The following VAV3 variants were observed in gnomAD, a reference collection of about 807,000 sequenced individuals.
VAV3 encodes guanine nucleotide exchange factor VAV3.
Under a neutral mutation model 131.2 loss-of-function variants are expected in VAV3, and 94 were observed. That is an observed-to-expected ratio of 0.72 (90% CI 0.61 to 0.85). The LOEUF is 0.85. Ranked by LOEUF, VAV3 falls within the 40% of genes least tolerant of loss-of-function variation. The pLI is 0.00. For missense variants in VAV3, 939 were observed against 1,002.7 expected, an observed-to-expected ratio of 0.94 and a Z score of 0.86; for synonymous variants, 349 against 342.0, an observed-to-expected ratio of 1.02 and a Z score of -0.22.
intron 2 of VAV3, among the ~76,000 whole-genome samples, chr1:107,809,144 T>C (rs1667200541): frequency 2.0e-5 from 3 of 152,338 alleles, no homozygotes; most frequent in Admixed American, 6.5e-5. Context: ...GAGATTTTTA[T>C]GTTATTCTTG....
At position 107,671,757 on chromosome 1, in the gene VAV3, C is replaced by G. The variant is rs527509872; in HGVS notation, c.1777+11731G>C. ...TCTGAAAATCCTTGGGGAAGTTAGGCTTAGTTTGTCATATTTTACCAAAAA... is the reference window on the plus strand; with the variant it reads ...TCTGAAAATCCTTGGGGAAGTTAGGGTTAGTTTGTCATATTTTACCAAAAA... On this transcript the variant is annotated intron_variant, in intron 19 of 26. Coordinates refer to ENST00000370056, the MANE Select transcript of VAV3 (RefSeq NM_006113.5). Among the ~76,000 whole-genome samples, 5 of 140,928 alleles carry G rather than the reference C, an allele frequency of 3.5e-5. No homozygotes were observed. In the East Asian group the frequency reaches 9.9e-4, roughly 28 times the overall value. The allele number at this position is 140,928 out of a possible 152,430, so 92.5% of individuals were successfully genotyped here. A position where few individuals can be genotyped will look rare whatever the true frequency, so the allele number is the denominator to read the frequency against.
rs1442663962 is a variant in VAV3, at chr1:107,666,560, G to A, written c.1777+16928C>T. 2.0e-5 allele frequency among the ~76,000 whole-genome samples: 3 copies of A among 148,216 alleles called. No homozygotes were observed. The Admixed American group carries it at 2.0e-4, about 10-fold the overall frequency. On this transcript the variant is annotated intron_variant, in intron 19 of 26. Coordinates refer to ENST00000370056, the MANE Select transcript of VAV3 (RefSeq NM_006113.5). ...ACTCCCTTTCATACTTCTATGGCAA[G>A]ATCATTTGAGACTTTTTTTTTTTTT... is the stretch of plus-strand genomic sequence containing the variant.
At chr1:107,706,039 T>G (rs764380302) in intron 15 of VAV3, among the ~76,000 whole-genome samples, 4 of 152,172 alleles carry the variant, frequency 2.6e-5, no homozygotes, top group African/African-American at 4.8e-5. Flanking sequence ...GCAAAAGTAA[T>G]TGAGGTTTTT....
At chr1:107,908,983 A>G (rs1243912122) in intron 1 of VAV3, among the ~76,000 whole-genome samples, 1 of 152,160 alleles carries the variant, frequency 6.6e-6, no homozygotes, top group Non-Finnish European at 1.5e-5. Context: ...CATATTAATT[A>G]TTCCATTAAA....
In VAV3 at chr1:107,928,160, A is replaced by T. The variant is rs567756975; in HGVS notation, c.204+36506T>A. Reference sequence around the variant, plus strand: ...ATGCTTCCAGATCTTATCAAAGACCATCAAGGCGGTGCCTCTACAACTCTA... The same window carrying T: ...ATGCTTCCAGATCTTATCAAAGACCTTCAAGGCGGTGCCTCTACAACTCTA... On this transcript the variant is annotated intron_variant, in intron 1 of 26. Coordinates refer to ENST00000370056, the MANE Select transcript of VAV3 (RefSeq NM_006113.5). 3.3e-5 allele frequency among the ~76,000 whole-genome samples: 5 copies of T among 152,346 alleles called. No individual in the cohort carries two copies. The South Asian group carries it at 1.0e-3, about 32-fold the overall frequency.
intron 2 of VAV3, among the ~76,000 whole-genome samples, chr1:107,860,092 T>C (rs1355948028): frequency 6.6e-6 from 1 of 152,166 alleles, no homozygotes; most frequent in Middle Eastern, 3.2e-3. Flanking sequence ...GTATTTATAA[T>C]AGATAGTAGA....
intron 11 of VAV3, among the ~76,000 whole-genome samples, chr1:107,756,782 C>T (rs1013657982): frequency 6.6e-6 from 1 of 152,020 alleles, no homozygotes; most frequent in African/African-American, 2.4e-5. Context: ...ATAGCATCCA[C>T]AAGGGTAAAC....
At chr1:107,749,429 G>A in intron 14 of VAV3, 33 bp downstream of exon 14, 2 of 1,569,424 alleles carry the variant, frequency 1.3e-6, no homozygotes, top group South Asian at 2.4e-5. Flanking sequence ...AAGATTATAA[G>A]TAAATTACAG....
At chr1:107,672,020 C>CA (rs1657838974) in intron 19 of VAV3, 1 of 152,098 alleles carries the variant, frequency 6.6e-6, no homozygotes, top group Non-Finnish European at 1.5e-5. Context: ...GTAATCCCAG[C>CA]ACGCCGCAAG....
intron 21 of VAV3, among the ~76,000 whole-genome samples, chr1:107,614,986 A>G (rs1274698357): frequency 6.6e-6 from 1 of 152,182 alleles, no homozygotes; most frequent in Non-Finnish European, 1.5e-5. Context: ...TACAGATAGG[A>G]AGCCTGAATC....
Position 107,774,063 on chromosome 1 carries a change from T to A in VAV3, c.447-1220A>T, listed in dbSNP as rs549818081. Among the ~76,000 whole-genome samples the A allele has an allele frequency of 2.6e-5, 4 of 152,094 alleles. No individual in the cohort carries two copies. In the South Asian group the frequency reaches 6.2e-4, roughly 24 times the overall value. On this transcript the variant is annotated intron_variant, in intron 4 of 26. Coordinates refer to ENST00000370056, the MANE Select transcript of VAV3 (RefSeq NM_006113.5). ...TAAATTAGCACAGACTTTTCTCTAT[T>A]TTTGCTGTTGTTGTTGTTTGGGGGA...
chr1:107,753,549 T>TACACAC (rs1553201322), intron 12 of VAV3, among the ~76,000 whole-genome samples: 1,392 of 82,042 alleles, frequency 0.017, 63 homozygotes, highest in African/African-American at 0.061. Context: ...TATATATATA[T>TACACAC]ACACACACAC....
intron 12 of VAV3, among the ~76,000 whole-genome samples, chr1:107,753,645 C>T (rs1190224426): frequency 2.7e-5 from 4 of 150,528 alleles, no homozygotes; most frequent in Non-Finnish European, 4.4e-5. Flanking sequence ...CTGCAGCCTC[C>T]GCCTCCTGGG....
intron 17 of VAV3, among the ~76,000 whole-genome samples, chr1:107,700,826 T>C (rs1215794926): frequency 6.6e-6 from 1 of 152,220 alleles, no homozygotes; most frequent in East Asian, 1.9e-4. Context: ...AGTAATGGGA[T>C]TGCTGAGTCA....
chr1:107,772,416 G>C lies in VAV3; in HGVS notation c.555+319C>G, dbSNP rs1271020471. On this transcript the variant is annotated intron_variant, in intron 5 of 26. Coordinates refer to ENST00000370056, the MANE Select transcript of VAV3 (RefSeq NM_006113.5). ...TGTTGTAAGAAATTTACTTTTATAA[G>C]AGTATAATTTCATGATTCCCTAAAA... Among the ~76,000 whole-genome samples the C allele has an allele frequency of 2.6e-5, 4 of 152,170 alleles. No homozygotes were observed. In the East Asian group the frequency reaches 5.8e-4, roughly 22 times the overall value.
intron 2 of VAV3, among the ~76,000 whole-genome samples, chr1:107,824,081 G>A (rs150408296): frequency 3.9e-5 from 6 of 152,302 alleles, no homozygotes; most frequent in African/African-American, 7.2e-5. Flanking sequence ...GCAGGGAGAC[G>A]TGAACTGAGT....
At chr1:107,842,788 C>T (rs1467917951) in intron 2 of VAV3, among the ~76,000 whole-genome samples, 1 of 152,008 alleles carries the variant, frequency 6.6e-6, no homozygotes, top group African/African-American at 2.4e-5. Flanking sequence ...CAGACTTAGG[C>T]AGATATCGTT....
At chr1:107,579,919 C>T (rs908151643) in intron 25 of VAV3, among the ~76,000 whole-genome samples, 6 of 152,178 alleles carry the variant, frequency 3.9e-5, no homozygotes, top group Admixed American at 6.5e-5. Flanking sequence ...GCTCCTTCCC[C>T]GACCTCTGCT....
chr1:107,588,861 T>A (rs1460289675), intron 25 of VAV3, among the ~76,000 whole-genome samples: 1 of 152,212 alleles, frequency 6.6e-6, no homozygotes, highest in Non-Finnish European at 1.5e-5. Flanking sequence ...GGTTCTCTTA[T>A]TCCATATAAA....
Sources: gnomAD v4.1 joint callset for allele counts (sites outside exome capture counted in the v4.1 genomes callset) on GRCh38, gnomAD v4.1.1 for gene constraint, MANE v1.5 for transcripts, NCBI Gene and HGNC (gene_info 2026-07-23, HGNC 2026-07-21) for gene names.